PLXDC2: variants seen among roughly 807,000 people sequenced by gnomAD.
PLXDC2 encodes the protein plexin domain-containing protein 2.
A neutral mutation model predicts 68.9 loss-of-function variants in PLXDC2; 40 were observed. The ratio of observed to expected loss-of-function variants is 0.58; its 90% confidence interval spans 0.45 to 0.76. The LOEUF is 0.76. Among genes scored for constraint, PLXDC2 ranks in the 30% least tolerant of loss-of-function variants. PLXDC2 has a pLI of 0.00. For missense variants in PLXDC2, 644 were observed against 661.9 expected (o/e 0.97, Z 0.30); for synonymous variants, 243 against 234.2 (o/e 1.04, Z -0.34).
chr10:20,175,519 C>G (rs1014172397), intron 7 of PLXDC2, among the ~76,000 whole-genome samples: 1 of 151,774 alleles, frequency 6.6e-6, no homozygotes, highest in Admixed American at 6.6e-5. Flanking sequence ...CTGTTTCTAC[C>G]AAAAAAGTTT....
chr10:19,883,173 A>G (rs1224162911), intron 1 of PLXDC2, among the ~76,000 whole-genome samples: 1 of 152,102 alleles, frequency 6.6e-6, no homozygotes, highest in African/African-American at 2.4e-5. Flanking sequence ...TGTGTTAGCC[A>G]GGATGGTCTC....
At chr10:19,958,200 C>G (rs1834101691) in intron 1 of PLXDC2, among the ~76,000 whole-genome samples, 1 of 152,028 alleles carries the variant, frequency 6.6e-6, no homozygotes, top group Non-Finnish European at 1.5e-5. Context: ...TTCTTTATCA[C>G]CTCAGGGCAA....
intron 3 of PLXDC2, among the ~76,000 whole-genome samples, chr10:20,051,518 G>C (rs1052460206): frequency 6.7e-6 from 1 of 149,266 alleles, no homozygotes; most frequent in East Asian, 2.0e-4. Context: ...TGACAGTGGA[G>C]GTATAAACCC....
chr10:19,858,962 G>T (rs566623299), intron 1 of PLXDC2, among the ~76,000 whole-genome samples: 2 of 151,838 alleles, frequency 1.3e-5, no homozygotes, highest in South Asian at 4.2e-4. Context: ...GCTTCAGGAA[G>T]CTTCCACTCA....
chr10:19,903,695 T>G (rs1015342465), intron 1 of PLXDC2, among the ~76,000 whole-genome samples: 1 of 130,070 alleles, frequency 7.7e-6, no homozygotes, highest in East Asian at 2.3e-4. Context: ...TGCTCTCATC[T>G]TCATTATTTT....
intron 1 of PLXDC2, among the ~76,000 whole-genome samples, chr10:19,970,296 T>C (rs1016914328): frequency 6.6e-6 from 1 of 152,228 alleles, no homozygotes; most frequent in African/African-American, 2.4e-5. Flanking sequence ...GTACTTTGTA[T>C]GCATCAACTG....
chr10:19,904,384 C>G (rs1302591093), intron 1 of PLXDC2, among the ~76,000 whole-genome samples: 1 of 151,970 alleles, frequency 6.6e-6, no homozygotes, highest in African/African-American at 2.4e-5. Context: ...ATACAGGTCA[C>G]CAGGGAAGTG....
chr10:20,037,402 C>T (rs1835596713), intron 2 of PLXDC2, among the ~76,000 whole-genome samples: 2 of 151,376 alleles, frequency 1.3e-5, no homozygotes, highest in South Asian at 4.2e-4. Flanking sequence ...GGTACATGTG[C>T]ACAACGTGCA....
chr10:20,236,650 TA>T (rs1344384826), intron 12 of PLXDC2, among the ~76,000 whole-genome samples: 6 of 152,156 alleles, frequency 3.9e-5, no homozygotes. Context: ...GTTTTCCAAA[TA>T]TTTATTTTTG....
intron 3 of PLXDC2, among the ~76,000 whole-genome samples, chr10:20,052,722 C>CAAAAAAAAAAAAAAAAAAAGAAAAA (rs1835926099): frequency 5.4e-5 from 5 of 92,808 alleles, no homozygotes; most frequent in African/African-American, 7.7e-5. Context: ...ACAAATTATG[C>CAAAAAAAAAAAAAAAAAAAGAAAAA]AAAAAAAAAA....
In PLXDC2 at chr10:20,036,768, A is replaced by G. The variant is rs757169605; in HGVS notation, c.325-10101A>G. On this transcript the variant is annotated intron_variant, in intron 2 of 13. Coordinates refer to ENST00000377252, the MANE Select transcript of PLXDC2 (RefSeq NM_032812.9). The stretch of plus-strand genomic sequence containing the variant: ...AGTTGTGCACACATACGCAAGACCC[A>G]TAATTTATTCCGTTTATATAGAAAA... Among the ~76,000 whole-genome samples the G allele has an allele frequency of 2.6e-5, 4 of 152,314 alleles. No individual in the cohort carries two copies. The South Asian group carries it at 8.3e-4, about 32-fold the overall frequency.
intron 12 of PLXDC2, among the ~76,000 whole-genome samples, chr10:20,240,711 CAAAA>C (rs202138349): frequency 2.0e-5 from 2 of 100,022 alleles, no homozygotes; most frequent in Admixed American, 1.2e-4. Flanking sequence ...TTGCAGTAGC[CAAAA>C]AAAAAAAAAA....
At chr10:20,178,422 C>G (rs899144163) in intron 9 of PLXDC2, among the ~76,000 whole-genome samples, 1 of 152,054 alleles carries the variant, frequency 6.6e-6, no homozygotes, top group Non-Finnish European at 1.5e-5. Context: ...GGGAACACAG[C>G]AGTAAACAAT....
At chr10:20,177,472 T>TA (rs1364675279) in intron 9 of PLXDC2, 63 bp downstream of exon 9, 2 of 891,826 alleles carry the variant, frequency 2.2e-6, no homozygotes, top group African/African-American at 3.6e-5. Context: ...GATTAGAAAT[T>TA]AAAAATAACT....
intron 2 of PLXDC2, among the ~76,000 whole-genome samples, chr10:20,032,760 A>C (rs763222006): frequency 2.6e-5 from 4 of 151,730 alleles, no homozygotes; most frequent in Non-Finnish European, 5.9e-5. Flanking sequence ...TCTCAGCTTC[A>C]GTTTCTTTAT....
chr10:20,072,493 G>GAGAAGGAA, intron 4 of PLXDC2, among the ~76,000 whole-genome samples: 1 of 80,776 alleles, frequency 1.2e-5, no homozygotes, highest in Admixed American at 1.5e-4. Context: ...AAGAAAGAAA[G>GAGAAGGAA]AGAAAGAAAG....
chr10:20,021,109 C>T (rs769940795), intron 2 of PLXDC2, among the ~76,000 whole-genome samples: 15 of 152,204 alleles, frequency 9.9e-5, no homozygotes, highest in Middle Eastern at 3.4e-3. Flanking sequence ...TATTATAAAA[C>T]ACATTTTATA....
chr10:20,112,188 T>A (rs1003187092), intron 4 of PLXDC2, among the ~76,000 whole-genome samples: 1 of 152,190 alleles, frequency 6.6e-6, no homozygotes, highest in African/African-American at 2.4e-5. Context: ...TCCAGAATTG[T>A]AAGAGAATAA....
chr10:20,000,826 T>C (rs1834923061), intron 1 of PLXDC2, among the ~76,000 whole-genome samples: 1 of 152,174 alleles, frequency 6.6e-6, no homozygotes, highest in South Asian at 2.1e-4. Context: ...TTGGAACCCA[T>C]ATCTTGCCAG....
Sources: gnomAD v4.1 joint callset for allele counts (sites outside exome capture counted in the v4.1 genomes callset) on GRCh38, gnomAD v4.1.1 for gene constraint, MANE v1.5 for transcripts, NCBI Gene and HGNC (gene_info 2026-07-23, HGNC 2026-07-21) for gene names.